Variants in BPIFB1 observed in about 807,000 individuals in gnomAD.
BPIFB1 encodes the protein BPI fold containing family B member 1.
BPIFB1 carries 34 observed loss-of-function variants against 55.1 expected under a neutral mutation model. The ratio of observed to expected loss-of-function variants is 0.62; its 90% CI spans 0.47 to 0.82. The LOEUF (loss-of-function observed/expected upper bound fraction) is 0.82, where lower values mean the gene tolerates loss of function less well. Ranked by LOEUF, BPIFB1 falls within the 40% of genes least tolerant of loss-of-function variation. The pLI is 0.00. For synonymous variants in BPIFB1, 236 were observed against 245.3 expected (o/e 0.96, Z 0.35); for missense variants, 532 against 593.1 (o/e 0.90, Z 1.07).
Position 33,309,776 on chromosome 20 carries a change from A to T in BPIFB1, c.*9A>T, listed in dbSNP as rs1174182104. Reference sequence around the variant, plus strand: ...CTCCTGTCTCCCAGTGAAGACTTGGATGGCAGCCATCAGGGAAGGCTGGGT... The same window carrying T: ...CTCCTGTCTCCCAGTGAAGACTTGGTTGGCAGCCATCAGGGAAGGCTGGGT... On this transcript the variant is annotated 3_prime_UTR_variant, in exon 16 of 16. Coordinates refer to ENST00000253354, the MANE Select transcript of BPIFB1 (RefSeq NM_033197.3). This position sits in a 1 kb window ranked among gnomAD's most constrained non-coding sequence, Gnocchi z 4.4. 6.2e-7 allele frequency: 1 copy of T among 1,613,402 alleles called. No homozygotes were observed. The highest frequency in any genetic ancestry group is 1.1e-5 in the South Asian group (1 of 91,048).
intron 7 of BPIFB1, 88 bp from the exon 8 acceptor site, chr20:33,299,811 G>A: frequency 2.8e-6 from 3 of 1,077,148 alleles, no homozygotes; most frequent in Admixed American, 3.4e-5. Context: ...CCATGCAACA[G>A]TACAGCTCCA....
chr20:33,284,275 AG>A (rs1251830728), intron 1 of BPIFB1, among the ~76,000 whole-genome samples: 1 of 152,240 alleles, frequency 6.6e-6, no homozygotes, highest in Non-Finnish European at 1.5e-5. Flanking sequence ...GCCTCCAACT[AG>A]GGTTCATCTG....
intron 12 of BPIFB1, 81 bp from the exon 13 acceptor site, chr20:33,304,765 C>T: frequency 6.4e-7 from 1 of 1,553,042 alleles, no homozygotes; most frequent in Non-Finnish European, 8.9e-7. Context: ...ATAATAGGTG[C>T]TCAATAAATC....
At chr20:33,283,755 G>A (rs1193694634) in intron 1 of BPIFB1, among the ~76,000 whole-genome samples, 2 of 152,062 alleles carry the variant, frequency 1.3e-5, no homozygotes, top group Admixed American at 6.5e-5. Context: ...CCACGAAGGG[G>A]AACTAGCAGA....
At chr20:33,303,923 T>C in intron 11 of BPIFB1, 35 bp from the exon 12 acceptor site, 1 of 1,611,612 alleles carries the variant, frequency 6.2e-7, no homozygotes, top group Non-Finnish European at 8.5e-7. Flanking sequence ...CGGATCCTCT[T>C]GAGAACAATG....
chr20:33,300,102 C>T lies in BPIFB1; in HGVS notation c.747+118C>T, dbSNP rs1011705575. 21 of 853,266 alleles carry T rather than the reference C, an allele frequency of 2.5e-5. No individual in the cohort carries two copies. The South Asian group carries it at 2.9e-4, about 12-fold the overall frequency. The allele number at this position is 853,266 out of a possible 1,614,324, so 52.9% of individuals were successfully genotyped here. Reference sequence around the variant, plus strand: ...GAAAATCCTGGTCACCATTAGGACACGGGCTGATCTAGAAAAATCACTGCA... The same window carrying T: ...GAAAATCCTGGTCACCATTAGGACATGGGCTGATCTAGAAAAATCACTGCA... On this transcript the variant is annotated intron_variant, in intron 8 of 15. Coordinates refer to ENST00000253354, the MANE Select transcript of BPIFB1 (RefSeq NM_033197.3).
At chr20:33,305,036 C>T (rs1194729745) in intron 13 of BPIFB1, 145 bp downstream of exon 13, 1 of 861,096 alleles carries the variant, frequency 1.2e-6, no homozygotes, top group African/African-American at 1.7e-5. Flanking sequence ...CAAAGTCCAA[C>T]TTCCCTCGAG....
At chr20:33,308,714 C>CTATACA (rs963426893) in intron 15 of BPIFB1, among the ~76,000 whole-genome samples, 10 of 151,166 alleles carry the variant, frequency 6.6e-5, no homozygotes, top group Non-Finnish European at 1.3e-4. Flanking sequence ...CTTTATACAC[C>CTATACA]TATACATATA....
Position 33,306,919 on chromosome 20 carries a change from A to C in BPIFB1, c.1327A>C (p.Arg443=). 3 of 1,613,992 alleles carry C rather than the reference A, an allele frequency of 1.9e-6. No homozygotes were observed. The highest frequency in any genetic ancestry group is 2.5e-6 in the Non-Finnish European group (3 of 1,179,802). ...CACATTTGTTATTTCAGGCAAATTA[A>C]GATCTGGGGTCCCAGTGTCATTGGT... ...ILLPNQNGKL[R]SGVPVSLVKA... The change falls in exon 15 of 16, where the codon AGA becomes CGA. Residue 443 remains arginine, a synonymous_variant. Transcript: ENST00000253354.
In BPIFB1 at chr20:33,292,002, G is replaced by A. The variant is rs765060972; in HGVS notation, c.597+14G>A. 1.9e-6 allele frequency: 3 copies of A among 1,613,168 alleles called. No individual in the cohort carries two copies. The East Asian group carries it at 6.7e-5, about 36-fold the overall frequency. ...GTGAAAAACCAGGTGAGTGGAATCA[G>A]GGCCTCTCTGGCCTGTGGGCATTGC... On this transcript the variant is annotated intron_variant, in intron 6 of 15. Transcript: ENST00000253354.
intron 9 of BPIFB1, among the ~76,000 whole-genome samples, 174 bp downstream of exon 9, chr20:33,301,586 G>T (rs76426287): frequency 0.1 from 15,625 of 152,146 alleles, 2,698 homozygotes; most frequent in African/African-American, 0.36. Context: ...AAATCCTCCC[G>T]GTAACATCCA....
chr20:33,298,146 A>AAT (rs1404477134), intron 7 of BPIFB1, among the ~76,000 whole-genome samples: 3 of 152,206 alleles, frequency 2.0e-5, no homozygotes, highest in Non-Finnish European at 4.4e-5. Flanking sequence ...GATACTTTAG[A>AAT]AAACTGCAGC....
chr20:33,307,817 G>A (rs140111921), intron 15 of BPIFB1: 5,044 of 152,236 alleles, frequency 0.033, 123 homozygotes, highest in Admixed American at 0.066. Context: ...GGAAGGCTGA[G>A]GCAGAAGAAT....
At chr20:33,306,710 C>T (rs539238278) in intron 14 of BPIFB1, 2 of 592,698 alleles carry the variant, frequency 3.4e-6, no homozygotes, top group East Asian at 2.8e-5. Flanking sequence ...TTGTGAGGGG[C>T]CAGAAGCCAG....
In BPIFB1 at chr20:33,291,888, G is replaced by A. The variant is rs564564112; in HGVS notation, c.516-19G>A. On this transcript the variant is annotated intron_variant, in intron 5 of 15. Coordinates refer to ENST00000253354, the MANE Select transcript of BPIFB1 (RefSeq NM_033197.3). The stretch of plus-strand genomic sequence containing the variant: ...TCTCTGACCCTTCCTAATGTCTCTC[G>A]TGCTCTCTTCCCTGAAAGGCTCTCC... 15 of 1,608,516 alleles carry A rather than the reference G, an allele frequency of 9.3e-6. 1 individual carries two copies. Among genetic ancestry groups the A allele is most frequent in the East Asian group, 4.5e-5 (2 of 44,846 alleles).
At position 33,306,932 on chromosome 20, in the gene BPIFB1, C is replaced by T. The variant is rs1478061404; in HGVS notation, c.1340C>T (p.Pro447Leu). 6.8e-6 allele frequency: 11 copies of T among 1,614,120 alleles called. No individual in the cohort carries two copies. The highest frequency in any genetic ancestry group is 2.2e-5 in the East Asian group (1 of 44,878). The change falls in exon 15 of 16, where the codon CCA (proline) becomes CTA (leucine). Residue 447 changes from proline to leucine, a missense_variant. Pro to Leu is a moderately conservative substitution (Grantham distance 98). Coordinates refer to ENST00000253354, the MANE Select transcript of BPIFB1 (RefSeq NM_033197.3). ...TCAGGCAAATTAAGATCTGGGGTCCCAGTGTCATTGGTGAAGGCCTTGGGA... is the reference window on the plus strand; with the variant it reads ...TCAGGCAAATTAAGATCTGGGGTCCTAGTGTCATTGGTGAAGGCCTTGGGA... The part of the protein sequence containing the change: ...NQNGKLRSGV[P>L]VSLVKALGFE...
intron 14 of BPIFB1, 70 bp from the exon 15 acceptor site, chr20:33,306,841 C>G: frequency 2.9e-6 from 4 of 1,363,704 alleles, no homozygotes; most frequent in African/African-American, 1.4e-5. Flanking sequence ...CTTCAGGAAC[C>G]CTGAGCCTGC....
chr20:33,305,759 G>A (rs1405846804), intron 13 of BPIFB1, among the ~76,000 whole-genome samples: 1 of 152,032 alleles, frequency 6.6e-6, no homozygotes, highest in African/African-American at 2.4e-5. Context: ...CCCTGAGGAT[G>A]GGGCATCCTC....
chr20:33,292,916 T>C (rs1366480050), intron 6 of BPIFB1, among the ~76,000 whole-genome samples: 1 of 152,344 alleles, frequency 6.6e-6, no homozygotes, highest in Non-Finnish European at 1.5e-5. Context: ...TTTTCTTTGA[T>C]TTTTGTTTTT....
Sources: gnomAD v4.1 joint callset for allele counts (sites outside exome capture counted in the v4.1 genomes callset) on GRCh38, gnomAD v4.1.1 for gene constraint, Gnocchi (gnomAD v3.1) non-coding constraint, MANE v1.5 for transcripts, NCBI Gene and HGNC (gene_info 2026-07-23, HGNC 2026-07-21) for gene names.